The following EFNA5 variants were observed in gnomAD, a reference collection of about 807,000 sequenced individuals.
The protein encoded by EFNA5 is ephrin A5.
In EFNA5, 5 loss-of-function variants were observed where a neutral mutation model predicts 22.9. The ratio of observed to expected loss-of-function variants is 0.22; its 90% CI spans 0.11 to 0.46. EFNA5 has a LOEUF of 0.46. EFNA5 is among the 20% of genes least tolerant of loss of function. The pLI, the probability that EFNA5 is intolerant of heterozygous loss-of-function variation, is 0.99. For missense variants in EFNA5, 237 were observed against 293.3 expected, an observed-to-expected ratio of 0.81 and a Z score of 1.40; for synonymous variants, 113 against 112.2, an observed-to-expected ratio of 1.01 and a Z score of -0.04.
At position 107,482,628 on chromosome 5, in the gene EFNA5, C is replaced by T. The variant is rs75750839; in HGVS notation, c.126-55119G>A. 9.6e-3 allele frequency among the ~76,000 whole-genome samples: 1,461 copies of T among 152,040 alleles called. 15 individuals are homozygous for T. The highest frequency in any genetic ancestry group is 0.031 in the African/African-American group (1,290 of 41,458). ...CATCAGGAATTCCTCTGGGCCTTGT[C>T]GTGATATCATTTGCGCAATGTAGCC... On this transcript the variant is annotated intron_variant, in intron 1 of 4. Coordinates refer to ENST00000333274, the MANE Select transcript of EFNA5 (RefSeq NM_001962.3).
chr5:107,393,245 G>C (rs1747833922), intron 2 of EFNA5, among the ~76,000 whole-genome samples: 1 of 152,154 alleles, frequency 6.6e-6, no homozygotes, highest in Non-Finnish European at 1.5e-5. Flanking sequence ...ACTCCTATTA[G>C]TTATCTTCTA....
chr5:107,576,351 A>G (rs1012026016), intron 1 of EFNA5, among the ~76,000 whole-genome samples: 1 of 152,204 alleles, frequency 6.6e-6, no homozygotes, highest in Admixed American at 6.5e-5. Flanking sequence ...GACTGCACAC[A>G]AGCAGATTAT....
chr5:107,576,167 C>T (rs2112490863), intron 1 of EFNA5, among the ~76,000 whole-genome samples: 2 of 152,260 alleles, frequency 1.3e-5, no homozygotes, highest in African/African-American at 4.8e-5. Context: ...TAGTTTTCTG[C>T]TTTTCCTACA....
chr5:107,552,416 C>A (rs1212453539), intron 1 of EFNA5, among the ~76,000 whole-genome samples: 2 of 152,164 alleles, frequency 1.3e-5, no homozygotes, highest in Admixed American at 6.5e-5. Context: ...GTGCTCTTAC[C>A]ATCCTCATTT....
At chr5:107,614,543 G>A (rs574822792) in intron 1 of EFNA5, among the ~76,000 whole-genome samples, 262 of 152,220 alleles carry the variant, frequency 1.7e-3, no homozygotes, top group African/African-American at 6.1e-3. Flanking sequence ...TTTGTCATGT[G>A]TCCATTTATC....
intron 1 of EFNA5, among the ~76,000 whole-genome samples, chr5:107,493,821 T>C (rs1746882754): frequency 6.6e-6 from 1 of 152,196 alleles, no homozygotes; most frequent in Admixed American, 6.5e-5. Flanking sequence ...CAGTCTATCA[T>C]TTAATATTCA....
intron 1 of EFNA5, among the ~76,000 whole-genome samples, chr5:107,497,291 G>A (rs959404469): frequency 2.0e-5 from 3 of 152,190 alleles, no homozygotes; most frequent in South Asian, 2.1e-4. Flanking sequence ...AATCAGGAGA[G>A]GATCAGAGGC....
chr5:107,474,278 G>C (rs1286256293), intron 1 of EFNA5, among the ~76,000 whole-genome samples: 1 of 152,096 alleles, frequency 6.6e-6, no homozygotes, highest in Non-Finnish European at 1.5e-5. Flanking sequence ...TCTCACTTAG[G>C]TACCTGCCGG....
rs1259685637 is a variant in EFNA5, at chr5:107,580,736, A to AAG, written c.125+89752_125+89753insCT. 5.3e-3 allele frequency among the ~76,000 whole-genome samples: 785 copies of AAG among 147,384 alleles called. 13 individuals carry two copies. The highest frequency in any genetic ancestry group is 0.018 in the African/African-American group (714 of 39,574). ...GACTCCATCTCAAAAAAAAAAAAAAAAAAAGAAAAGAAAAGAAAAGAAAAA... is the reference window on the plus strand; with the variant it reads ...GACTCCATCTCAAAAAAAAAAAAAAAAGAAAAGAAAAGAAAAGAAAAGAAAAA... On this transcript the variant is annotated intron_variant, in intron 1 of 4. Transcript: ENST00000333274.
chr5:107,536,317 T>G (rs1251914917), intron 1 of EFNA5, among the ~76,000 whole-genome samples: 2 of 152,192 alleles, frequency 1.3e-5, no homozygotes. Flanking sequence ...AAATCCTAAT[T>G]TAATAGGGAC....
chr5:107,499,130 C>T (rs1181530429), intron 1 of EFNA5, among the ~76,000 whole-genome samples: 4 of 151,742 alleles, frequency 2.6e-5, no homozygotes, highest in Non-Finnish European at 5.9e-5. Context: ...CATTCTAAAT[C>T]GAAAGACACA....
chr5:107,529,403 C>A (rs1445966816), intron 1 of EFNA5, among the ~76,000 whole-genome samples: 2 of 152,214 alleles, frequency 1.3e-5, no homozygotes, highest in East Asian at 1.9e-4. Flanking sequence ...CCCAAAAAAA[C>A]CAACTAGATA....
At chr5:107,389,664 T>A (rs1172132277) in intron 2 of EFNA5, among the ~76,000 whole-genome samples, 1 of 152,134 alleles carries the variant, frequency 6.6e-6, no homozygotes, top group East Asian at 1.9e-4. Flanking sequence ...GAGAAATAAA[T>A]CCAGGACATG....
chr5:107,430,929 C>T (rs1026667758), intron 1 of EFNA5, among the ~76,000 whole-genome samples: 9 of 151,970 alleles, frequency 5.9e-5, no homozygotes, highest in African/African-American at 2.2e-4. Flanking sequence ...GCATGCGCCA[C>T]CACACCCAGT....
At chr5:107,668,231 T>C (rs1158630072) in intron 1 of EFNA5, among the ~76,000 whole-genome samples, 6 of 152,206 alleles carry the variant, frequency 3.9e-5, no homozygotes, top group Non-Finnish European at 8.8e-5. Flanking sequence ...AACCTGAAGT[T>C]AGAATACCGA....
intron 1 of EFNA5, among the ~76,000 whole-genome samples, chr5:107,605,562 C>T (rs1749694928): frequency 6.6e-6 from 1 of 151,486 alleles, no homozygotes; most frequent in Admixed American, 6.6e-5. Context: ...GACCTTTACC[C>T]CCACCCCCCG....
At chr5:107,458,319 G>A (rs1749746923) in intron 1 of EFNA5, among the ~76,000 whole-genome samples, 1 of 150,698 alleles carries the variant, frequency 6.6e-6, no homozygotes, top group South Asian at 2.1e-4. Flanking sequence ...AGGATGAATA[G>A]AAAATAATTC....
intron 1 of EFNA5, among the ~76,000 whole-genome samples, chr5:107,433,161 G>A (rs1561383994): frequency 6.6e-6 from 1 of 151,948 alleles, no homozygotes; most frequent in Non-Finnish European, 1.5e-5. Flanking sequence ...CTACATGCAG[G>A]GCCAGTGACC....
At chr5:107,474,255 C>T (rs1210095364) in intron 1 of EFNA5, among the ~76,000 whole-genome samples, 1 of 152,214 alleles carries the variant, frequency 6.6e-6, no homozygotes, top group Non-Finnish European at 1.5e-5. Context: ...AGTTTGTACA[C>T]CAGGTCTGAT....
Sources: allele counts gnomAD v4.1 joint callset (sites outside exome capture counted in the v4.1 genomes callset), GRCh38; gene constraint gnomAD v4.1.1; transcripts MANE v1.5; gene names NCBI Gene and HGNC (gene_info 2026-07-23, HGNC 2026-07-21).